The following FHIT variants were observed in gnomAD, a reference collection of about 807,000 sequenced individuals.
FHIT encodes the protein bis(5'-adenosyl)-triphosphatase.
A neutral mutation model predicts 17.9 loss-of-function variants in FHIT; 19 were observed. The observed-to-expected ratio is 1.06, with a 90% CI of 0.74 to 1.56. FHIT has a LOEUF of 1.56. FHIT is among the 40% of genes most tolerant of loss of function. The pLI is 0.00. For missense variants in FHIT, 248 were observed against 189.2 expected (o/e 1.31, Z -1.82); for synonymous variants, 81 against 69.7 (o/e 1.16, Z -0.81).
intron 5 of FHIT, among the ~76,000 whole-genome samples, chr3:60,097,969 GT>G (rs1446648345): frequency 6.7e-6 from 1 of 150,062 alleles, no homozygotes; most frequent in African/African-American, 2.5e-5. Flanking sequence ...GCAGTGTTTG[GT>G]TTTTTTGTCC....
At chr3:61,115,331 C>T (rs1434388354) in intron 2 of FHIT, among the ~76,000 whole-genome samples, 2 of 152,044 alleles carry the variant, frequency 1.3e-5, no homozygotes, top group African/African-American at 4.8e-5. Flanking sequence ...AAGGAGGTAT[C>T]ACTGTGTCTA....
At position 60,624,015 on chromosome 3, in the gene FHIT, C is replaced by T. The variant is rs1005631514; in HGVS notation, c.-17-87036G>A. On this transcript the variant is annotated intron_variant, in intron 4 of 9. Transcript: ENST00000492590. ...TAATTATGGCAGAACATGCTAAGTA[C>T]AATGTTATAGTAATACAGAGAAAAA... Among the ~76,000 whole-genome samples, 20 of 152,212 alleles carry T rather than the reference C, an allele frequency of 1.3e-4. No individual in the cohort carries two copies. The Middle Eastern group carries it at 0.014, about 104-fold the overall frequency.
At position 60,582,223 on chromosome 3, in the gene FHIT, T is replaced by G. The variant is rs1376741141; in HGVS notation, c.-17-45244A>C. ...TTAAGCTTCTTAGTTTTTAAATGTA[T>G]AACCAAGGTTGAGAATCATTTGAAT... On this transcript the variant is annotated intron_variant, in intron 4 of 9. Coordinates refer to ENST00000492590, the MANE Select transcript of FHIT (RefSeq NM_002012.4). Among the ~76,000 whole-genome samples, 5 of 152,148 alleles carry G rather than the reference T, an allele frequency of 3.3e-5. 1 individual carries two copies. The South Asian group carries it at 8.3e-4, about 25-fold the overall frequency.
intron 2 of FHIT, among the ~76,000 whole-genome samples, chr3:61,186,950 T>C (rs2038533967): frequency 6.6e-6 from 1 of 152,214 alleles, no homozygotes; most frequent in Non-Finnish European, 1.5e-5. Context: ...TGCCTCTTGA[T>C]GTTTCCTAAA....
intron 4 of FHIT, among the ~76,000 whole-genome samples, chr3:60,684,188 C>G (rs912518653): frequency 8.5e-5 from 13 of 152,174 alleles, no homozygotes; most frequent in African/African-American, 3.1e-4. Context: ...TCCAGAGGCT[C>G]TAGGAGGGAT....
intron 1 of FHIT, among the ~76,000 whole-genome samples, chr3:61,213,403 G>C (rs1011513462): frequency 1.1e-4 from 16 of 152,118 alleles, no homozygotes; most frequent in African/African-American, 1.7e-4. Context: ...TCAAAAGAGA[G>C]AAAGAAGGCC....
chr3:59,782,513 T>C (rs1463373367), intron 8 of FHIT, among the ~76,000 whole-genome samples: 1 of 152,074 alleles, frequency 6.6e-6, no homozygotes, highest in East Asian at 1.9e-4. Context: ...ACTTCCCAAA[T>C]GCAGCAGGAA....
At chr3:60,443,250 C>A (rs186194179) in intron 5 of FHIT, among the ~76,000 whole-genome samples, 5 of 152,086 alleles carry the variant, frequency 3.3e-5, no homozygotes, top group Admixed American at 1.3e-4. Context: ...CTTTTCCTAA[C>A]TGAATACCCT....
At chr3:59,991,486 G>A (rs997041609) in intron 7 of FHIT, among the ~76,000 whole-genome samples, 8 of 152,056 alleles carry the variant, frequency 5.3e-5, no homozygotes, top group Middle Eastern at 3.4e-3. Context: ...TATTTATCAC[G>A]TCCTTCTAAT....
chr3:61,044,554 A>C (rs1439066811), intron 2 of FHIT, among the ~76,000 whole-genome samples: 2 of 152,022 alleles, frequency 1.3e-5, no homozygotes, highest in Non-Finnish European at 2.9e-5. Context: ...GTTGGAAAAC[A>C]CTCTGCAGGA....
At chr3:60,341,747 ATTTCTTT>A (rs1427069779) in intron 5 of FHIT, among the ~76,000 whole-genome samples, 1 of 152,116 alleles carries the variant, frequency 6.6e-6, no homozygotes, top group African/African-American at 2.4e-5. Flanking sequence ...GTTACAGTGA[ATTTCTTT>A]TTTCTTTTTG....
intron 5 of FHIT, among the ~76,000 whole-genome samples, chr3:60,426,157 T>C (rs1702655924): frequency 1.3e-5 from 2 of 152,172 alleles, no homozygotes; most frequent in South Asian, 2.1e-4. Flanking sequence ...GACCTTGGAC[T>C]AGTTATGAGT....
intron 2 of FHIT, among the ~76,000 whole-genome samples, chr3:61,189,560 C>T (rs1316705588): frequency 6.6e-6 from 1 of 151,946 alleles, no homozygotes; most frequent in South Asian, 2.1e-4. Flanking sequence ...CAATGACTTT[C>T]TTCACAGAAT....
intron 5 of FHIT, among the ~76,000 whole-genome samples, chr3:60,426,303 A>G (rs932733413): frequency 5.9e-5 from 9 of 152,160 alleles, no homozygotes; most frequent in African/African-American, 1.9e-4. Context: ...GCAAAATACA[A>G]TTGAAAGAAG....
At chr3:59,866,326 T>C (rs1702648296) in intron 8 of FHIT, among the ~76,000 whole-genome samples, 2 of 151,470 alleles carry the variant, frequency 1.3e-5, no homozygotes, top group African/African-American at 4.9e-5. Context: ...TGTCCAAGAA[T>C]AGAAAAAGGG....
intron 5 of FHIT, among the ~76,000 whole-genome samples, chr3:60,382,789 T>A (rs1700861731): frequency 6.6e-6 from 1 of 152,156 alleles, no homozygotes; most frequent in African/African-American, 2.4e-5. Context: ...AAATGCAGCA[T>A]CTGGTCTAGT....
intron 4 of FHIT, among the ~76,000 whole-genome samples, chr3:60,742,151 A>G (rs2042253503): frequency 6.6e-6 from 1 of 152,236 alleles, no homozygotes; most frequent in Non-Finnish European, 1.5e-5. Flanking sequence ...GGTCTTAGAA[A>G]GGACCACATG....
At chr3:61,137,245 G>T (rs1043453356) in intron 2 of FHIT, among the ~76,000 whole-genome samples, 1 of 141,132 alleles carries the variant, frequency 7.1e-6, no homozygotes, top group South Asian at 2.3e-4. Context: ...TTTCTAAAAC[G>T]TATCATAGGT....
chr3:60,731,144 TAAATAA>T (rs1229337074), intron 4 of FHIT, among the ~76,000 whole-genome samples: 2 of 151,466 alleles, frequency 1.3e-5, no homozygotes, highest in African/African-American at 4.9e-5. Flanking sequence ...AATAAATAAA[TAAATAA>T]AAATAAAAAA....
Sources: gnomAD v4.1 joint callset for allele counts (sites outside exome capture counted in the v4.1 genomes callset) on GRCh38, gnomAD v4.1.1 for gene constraint, MANE v1.5 for transcripts, NCBI Gene and HGNC (gene_info 2026-07-23, HGNC 2026-07-21) for gene names.